The following SH3BGRL2 variants were observed in gnomAD, a reference collection of about 807,000 sequenced individuals.
SH3BGRL2 encodes SH3 domain binding glutamate rich protein like 2.
In SH3BGRL2, 21 loss-of-function variants were observed where a neutral mutation model predicts 14.8. The observed-to-expected ratio is 1.42, with a 90% CI of 1.01 to 2.05. The LOEUF (loss-of-function observed/expected upper bound fraction) is 2.05, where lower values mean the gene tolerates loss of function less well. SH3BGRL2 is among the 30% of genes most tolerant of loss of function. SH3BGRL2 has a pLI of 0.00. For synonymous variants in SH3BGRL2, 50 were observed against 47.8 expected (o/e 1.05, Z -0.19); for missense variants, 147 against 130.8 (o/e 1.12, Z -0.61).
intron 1 of SH3BGRL2, among the ~76,000 whole-genome samples, chr6:79,645,296 T>C (rs769560203): frequency 1.1e-4 from 16 of 151,628 alleles, no homozygotes; most frequent in Non-Finnish European, 1.8e-4. Context: ...CGAGTTAATA[T>C]ACCATTTTAA....
chr6:79,660,106 C>T (rs554796393), intron 1 of SH3BGRL2, among the ~76,000 whole-genome samples: 1 of 152,190 alleles, frequency 6.6e-6, no homozygotes, highest in African/African-American at 2.4e-5. Flanking sequence ...TTGACTTCCT[C>T]TTTTCCTAAT....
chr6:79,691,157 A>G (rs1770206040), intron 2 of SH3BGRL2, among the ~76,000 whole-genome samples: 1 of 152,036 alleles, frequency 6.6e-6, no homozygotes, highest in Admixed American at 6.6e-5. Flanking sequence ...CTATCTCAAC[A>G]ACAACAAAAA....
At chr6:79,642,536 C>G (rs1769053144) in intron 1 of SH3BGRL2, among the ~76,000 whole-genome samples, 1 of 152,018 alleles carries the variant, frequency 6.6e-6, no homozygotes, top group Non-Finnish European at 1.5e-5. Flanking sequence ...GGTTTTGGAG[C>G]CTTGATTGGG....
In SH3BGRL2 at chr6:79,702,384, G is replaced by T. The variant is rs1770479550; in HGVS notation, c.*2875G>T. On this transcript the variant is annotated 3_prime_UTR_variant, in exon 4 of 4. Coordinates refer to ENST00000369838, the MANE Select transcript of SH3BGRL2 (RefSeq NM_031469.4). ...TTTAACAGCTTTTGTTAAGTGTCAGGCTGCACTTTGCTCCATATAATTATT... is the reference window on the plus strand; with the variant it reads ...TTTAACAGCTTTTGTTAAGTGTCAGTCTGCACTTTGCTCCATATAATTATT... 1.3e-5 allele frequency: 2 copies of T among 152,654 alleles called. No homozygotes were observed. The highest frequency in any genetic ancestry group is 2.1e-4 in the South Asian group (1 of 4,822). 9.5% of individuals were successfully genotyped at this position (152,654 alleles called of 1,614,324 possible). A position where few individuals can be genotyped will look rare whatever the true frequency, so the allele number is the denominator to read the frequency against.
the SH3BGRL2 span, among the ~76,000 whole-genome samples, chr6:79,546,038 T>G: frequency 1.3e-5 from 2 of 151,958 alleles, no homozygotes; most frequent in African/African-American, 2.4e-5. Context: ...ATAGTACAAG[T>G]GAAACAAGTG....
chr6:79,700,180 G>T lies in SH3BGRL2; in HGVS notation c.*671G>T, dbSNP rs916778806. 2 of 152,116 alleles carry T rather than the reference G, an allele frequency of 1.3e-5. No individual in the cohort carries two copies. The highest frequency in any genetic ancestry group is 4.8e-5 in the African/African-American group (2 of 41,410). 9.4% of individuals were successfully genotyped at this position (152,116 alleles called of 1,614,324 possible). A position where few individuals can be genotyped will look rare whatever the true frequency, so the allele number is the denominator to read the frequency against. ...CTAAGTTACTGGGATGACAATAATT[G>T]CTATTTGAAATATATGCTTCTTTAT... is the stretch of plus-strand genomic sequence containing the variant. On this transcript the variant is annotated 3_prime_UTR_variant, in exon 4 of 4. Transcript: ENST00000369838.
intron 1 of SH3BGRL2, among the ~76,000 whole-genome samples, chr6:79,648,255 C>CATATATATATATATATATATAT (rs60702112): frequency 7.8e-4 from 49 of 62,444 alleles, no homozygotes; most frequent in South Asian, 2.3e-3. Flanking sequence ...ATTCTTTTGG[C>CATATATATATATATATATATAT]ATATATATAT....
the SH3BGRL2 span, among the ~76,000 whole-genome samples, chr6:79,561,897 G>A: frequency 6.6e-6 from 1 of 152,160 alleles, no homozygotes; most frequent in African/African-American, 2.4e-5. Context: ...ACTTTGAGTA[G>A]AGGCCAGAGT....
chr6:79,672,285 A>G (rs1336734166), intron 1 of SH3BGRL2, among the ~76,000 whole-genome samples: 1 of 152,072 alleles, frequency 6.6e-6, no homozygotes, highest in Admixed American at 6.5e-5. Flanking sequence ...TCTTGCTCCC[A>G]CTTTGTTTCC....
At chr6:79,550,799 T>C in the SH3BGRL2 span, among the ~76,000 whole-genome samples, 8 of 152,320 alleles carry the variant, frequency 5.3e-5, 1 homozygote, top group South Asian at 1.7e-3. Flanking sequence ...CAAACCTGTC[T>C]CACTTGTATT....
At chr6:79,699,166 G>A (rs1007170847) in intron 3 of SH3BGRL2, among the ~76,000 whole-genome samples, 6 of 152,054 alleles carry the variant, frequency 3.9e-5, no homozygotes, top group African/African-American at 1.2e-4. Flanking sequence ...TGCTATTAAT[G>A]GGCATCTCTG....
chr6:79,658,317 A>G (rs1769466133), intron 1 of SH3BGRL2, among the ~76,000 whole-genome samples: 2 of 152,052 alleles, frequency 1.3e-5, no homozygotes, highest in South Asian at 4.2e-4. Context: ...GACAGGCCCC[A>G]GTGTGTAATG....
chr6:79,654,793 AG>A (rs1290543859), intron 1 of SH3BGRL2, among the ~76,000 whole-genome samples: 2 of 152,070 alleles, frequency 1.3e-5, no homozygotes, highest in South Asian at 2.1e-4. Context: ...TACCTGCTTG[AG>A]GGGGGTGGTG....
chr6:79,653,244 G>T (rs1254759953), intron 1 of SH3BGRL2, among the ~76,000 whole-genome samples: 2 of 152,094 alleles, frequency 1.3e-5, no homozygotes. Flanking sequence ...ATCGATCCAC[G>T]TTACTAATAA....
intron 2 of SH3BGRL2, among the ~76,000 whole-genome samples, chr6:79,681,756 T>A (rs534125315): frequency 6.6e-6 from 1 of 152,196 alleles, no homozygotes; most frequent in Non-Finnish European, 1.5e-5. Flanking sequence ...GATCTTTTTT[T>A]AAGCATAAAG....
rs531894544 is a variant in SH3BGRL2, at chr6:79,668,068, C to T, written c.46-5546C>T. Among the ~76,000 whole-genome samples the T allele has an allele frequency of 2.0e-5, 3 of 152,230 alleles. No individual in the cohort carries two copies. The South Asian group carries it at 6.2e-4, about 32-fold the overall frequency. Reference sequence around the variant, plus strand: ...AAGGTTCCAGCATCAGCTAGTGAGTCCCATGGTGCAGCATCAGCTATGTAT... The same window carrying T: ...AAGGTTCCAGCATCAGCTAGTGAGTTCCATGGTGCAGCATCAGCTATGTAT... On this transcript the variant is annotated intron_variant, in intron 1 of 3. Coordinates refer to ENST00000369838, the MANE Select transcript of SH3BGRL2 (RefSeq NM_031469.4).
chr6:79,540,003 G>A, the SH3BGRL2 span, among the ~76,000 whole-genome samples: 2 of 152,118 alleles, frequency 1.3e-5, no homozygotes, highest in African/African-American at 4.8e-5. Flanking sequence ...TTGATCTCAT[G>A]TTGCTTGGAA....
At chr6:79,619,439 C>A in the SH3BGRL2 span, among the ~76,000 whole-genome samples, 303 of 152,320 alleles carry the variant, frequency 2.0e-3, 2 homozygotes, top group African/African-American at 6.9e-3. Context: ...CAGTCCTATG[C>A]TGTTGTTGTT....
At chr6:79,578,847 C>T in the SH3BGRL2 span, among the ~76,000 whole-genome samples, 1 of 152,154 alleles carries the variant, frequency 6.6e-6, no homozygotes, top group Admixed American at 6.5e-5. Flanking sequence ...TAATAACAAA[C>T]TTCTCTGAGC....
Sources: gnomAD v4.1 joint callset for allele counts (sites outside exome capture counted in the v4.1 genomes callset) on GRCh38, gnomAD v4.1.1 for gene constraint, MANE v1.5 for transcripts, NCBI Gene and HGNC (gene_info 2026-07-23, HGNC 2026-07-21) for gene names.